RNF130: variants seen among roughly 807,000 people sequenced by gnomAD.
The protein encoded by RNF130 is ring finger protein 130.
RNF130 carries 21 observed loss-of-function variants against 44.6 expected under a neutral mutation model. The observed-to-expected ratio is 0.47, with a 90% CI of 0.33 to 0.68. The LOEUF is 0.68. Among genes scored for constraint, RNF130 ranks in the 30% least tolerant of loss-of-function variants. RNF130 has a pLI of 0.02. For missense variants in RNF130, 479 were observed against 560.6 expected (o/e 0.85, Z 1.47); for synonymous variants, 214 against 210.4 (o/e 1.02, Z -0.15).
chr5:179,975,211 A>T (rs27012), intron 5 of RNF130, among the ~76,000 whole-genome samples: 1 of 152,228 alleles, frequency 6.6e-6, no homozygotes, highest in Non-Finnish European at 1.5e-5. Flanking sequence ...CCAAGGCAGA[A>T]GGAATTCTGT....
intron 7 of RNF130, among the ~76,000 whole-genome samples, chr5:179,929,817 T>G (rs964386847): frequency 5.3e-5 from 8 of 152,104 alleles, no homozygotes; most frequent in Admixed American, 3.3e-4. Flanking sequence ...CACTGGGGTG[T>G]GACCGAAATC....
chr5:180,066,607 G>A (rs1273159858), intron 1 of RNF130, among the ~76,000 whole-genome samples: 2 of 151,846 alleles, frequency 1.3e-5, no homozygotes, highest in East Asian at 1.9e-4. Context: ...GCCAGGTATC[G>A]GGCAGATCAC....
intron 7 of RNF130, among the ~76,000 whole-genome samples, chr5:179,937,599 T>C (rs770237758): frequency 6.6e-6 from 1 of 152,178 alleles, no homozygotes; most frequent in Non-Finnish European, 1.5e-5. Context: ...TATACATTGT[T>C]GGCAGGAATG....
In RNF130 at chr5:179,955,536, G is replaced by C; in HGVS notation, c.*118C>G. 1.1e-5 allele frequency: 9 copies of C among 844,218 alleles called. No individual in the cohort carries two copies. Among genetic ancestry groups the C allele is most frequent in the Non-Finnish European group, 1.7e-5 (9 of 543,910 alleles). The allele number at this position is 844,218 out of a possible 1,614,324, so 52.3% of individuals were successfully genotyped here. A position where few individuals can be genotyped will look rare whatever the true frequency, so the allele number is the denominator to read the frequency against. On this transcript the variant is annotated 3_prime_UTR_variant, in exon 9 of 9. Transcript: ENST00000521389. Reference sequence around the variant, plus strand: ...AAAGCTTTGGCATTAGCAATTTTATGAAAAAATAAAATGTACTAAAAATAA... The same window carrying C: ...AAAGCTTTGGCATTAGCAATTTTATCAAAAAATAAAATGTACTAAAAATAA...
At chr5:179,976,928 C>A (rs1056374130) in intron 5 of RNF130, 1 of 152,174 alleles carries the variant, frequency 6.6e-6, no homozygotes, top group Non-Finnish European at 1.5e-5. Flanking sequence ...CCAATTGATA[C>A]TCAGAACTGT....
intron 2 of RNF130, among the ~76,000 whole-genome samples, chr5:180,032,964 C>T (rs1483483471): frequency 6.6e-6 from 1 of 151,926 alleles, no homozygotes; most frequent in Non-Finnish European, 1.5e-5. Context: ...TGAAAGGTCT[C>T]TCCATTTATC....
At chr5:180,067,002 C>T (rs1316341430) in intron 1 of RNF130, among the ~76,000 whole-genome samples, 1 of 152,152 alleles carries the variant, frequency 6.6e-6, no homozygotes, top group African/African-American at 2.4e-5. Flanking sequence ...GCATTCCAGC[C>T]CGGGCAACAG....
At chr5:179,975,936 A>G (rs1762707838) in intron 5 of RNF130, among the ~76,000 whole-genome samples, 1 of 152,126 alleles carries the variant, frequency 6.6e-6, no homozygotes, top group African/African-American at 2.4e-5. Context: ...GGAACTTATA[A>G]TTAAAGCGCA....
chr5:180,030,140 C>T (rs1261029212), intron 2 of RNF130, among the ~76,000 whole-genome samples: 1 of 152,124 alleles, frequency 6.6e-6, no homozygotes, highest in Non-Finnish European at 1.5e-5. Context: ...GATCCACACC[C>T]AGCCACTGTC....
At chr5:179,998,023 G>C (rs938076395) in intron 3 of RNF130, among the ~76,000 whole-genome samples, 1 of 151,782 alleles carries the variant, frequency 6.6e-6, no homozygotes, top group African/African-American at 2.4e-5. Flanking sequence ...TGTATTTTTA[G>C]TAGAGACGGG....
intron 3 of RNF130, among the ~76,000 whole-genome samples, chr5:180,008,111 C>A (rs891269396): frequency 6.6e-6 from 1 of 151,530 alleles, no homozygotes; most frequent in African/African-American, 2.4e-5. Context: ...TTACTTCCCC[C>A]ATAGATTCCT....
At chr5:180,042,453 A>G (rs1021436775) in intron 1 of RNF130, among the ~76,000 whole-genome samples, 2 of 152,216 alleles carry the variant, frequency 1.3e-5, no homozygotes, top group Non-Finnish European at 2.9e-5. Context: ...CGGGGATAGA[A>G]GCCTATGTCA....
In RNF130 at chr5:179,970,448, T is replaced by C. The variant is rs893144933; in HGVS notation, c.907A>G (p.Met303Val). The stretch of plus-strand genomic sequence containing the variant: ...GCCTTCAATATATTAAGTTTGCACA[T>C]AGGACAGGTACAATGTTCACTAAGC... Reference protein sequence around the residue: ...PWLSEHCTCPMCKLNILKALG... With the variant: ...PWLSEHCTCPVCKLNILKALG... The change falls in exon 6 of 9, where the codon ATG (methionine) becomes GTG (valine). Residue 303 changes from methionine (M) to valine (V), a missense_variant. By Grantham distance (21) the Met-to-Val change is conservative (BLOSUM62 1). Around this residue, in one of 3 missense-constraint regions of RNF130, gnomAD observed 161 missense variants for 158.6 expected, o/e 1.02. Coordinates refer to ENST00000521389, the MANE Select transcript of RNF130 (RefSeq NM_018434.6). 2.5e-6 allele frequency: 4 copies of C among 1,613,452 alleles called. No homozygotes were observed. The highest frequency in any genetic ancestry group is 3.4e-6 in the Non-Finnish European group (4 of 1,179,774).
At chr5:179,975,961 A>C (rs1207552964) in intron 5 of RNF130, among the ~76,000 whole-genome samples, 1 of 150,268 alleles carries the variant, frequency 6.7e-6, no homozygotes, top group Non-Finnish European at 1.5e-5. Context: ...CCCGGCCTCC[A>C]CCCGGGATGC....
At chr5:179,960,804 G>A (rs2113697845) in intron 8 of RNF130, among the ~76,000 whole-genome samples, 1 of 151,424 alleles carries the variant, frequency 6.6e-6, no homozygotes, top group East Asian at 1.9e-4. Flanking sequence ...TCTTACAAAT[G>A]GATGAGGTTA....
exon 8 of RNF130, chr5:179,918,367 G>A (rs538329328): frequency 3.3e-5 from 5 of 152,268 alleles, no homozygotes; most frequent in East Asian, 3.9e-4. Flanking sequence ...GGAATTTAAC[G>A]TATACACATT....
At chr5:180,059,546 A>T (rs1390534049) in intron 1 of RNF130, among the ~76,000 whole-genome samples, 1 of 152,196 alleles carries the variant, frequency 6.6e-6, no homozygotes, top group Non-Finnish European at 1.5e-5. Flanking sequence ...GGAATTTAGG[A>T]TTTTTCTGAT....
intron 3 of RNF130, among the ~76,000 whole-genome samples, chr5:180,006,740 G>T (rs964679539): frequency 8.5e-5 from 13 of 152,168 alleles, no homozygotes; most frequent in Non-Finnish European, 1.9e-4. Flanking sequence ...TATTAACCAT[G>T]TAACTGTTAA....
At chr5:180,004,826 T>A (rs1257212837) in intron 3 of RNF130, among the ~76,000 whole-genome samples, 1 of 152,036 alleles carries the variant, frequency 6.6e-6, no homozygotes, top group Non-Finnish European at 1.5e-5. Context: ...CAGAGTAGGG[T>A]TTTCTTTTTG....
Sources: allele counts gnomAD v4.1 joint callset (sites outside exome capture counted in the v4.1 genomes callset), GRCh38; gene constraint gnomAD v4.1.1; regional missense constraint gnomAD v4.1.1; transcripts MANE v1.5; gene names NCBI Gene and HGNC (gene_info 2026-07-23, HGNC 2026-07-21).